Variants in SSBP2 observed in about 807,000 individuals in gnomAD.
The protein encoded by SSBP2 is single stranded DNA binding protein 2, also known as single-stranded DNA-binding protein 2.
In SSBP2, 17 loss-of-function variants were observed where a neutral mutation model predicts 61.8. The ratio of observed to expected loss-of-function variants is 0.28; its 90% CI spans 0.19 to 0.41. The LOEUF (loss-of-function observed/expected upper bound fraction) is 0.41. SSBP2 is among the 10% of genes least tolerant of loss of function. The probability of loss-of-function intolerance (pLI) is 1.00; values close to 1 mark genes in which losing one functional copy is unlikely to be tolerated. For missense variants in SSBP2, 310 were observed against 458.7 expected (o/e 0.68, Z 2.96); for synonymous variants, 139 against 141.3 (o/e 0.98, Z 0.12).
intron 12 of SSBP2, among the ~76,000 whole-genome samples, chr5:81,445,917 T>C (rs564517817): frequency 4.7e-4 from 71 of 152,214 alleles, no homozygotes; most frequent in Admixed American, 2.2e-3. Context: ...TGTGATTATA[T>C]TGCATTGAAT....
chr5:81,635,836 G>A (rs1036440602), intron 3 of SSBP2, among the ~76,000 whole-genome samples: 2 of 151,998 alleles, frequency 1.3e-5, no homozygotes, highest in African/African-American at 2.4e-5. Flanking sequence ...CACCCGCCTC[G>A]GCCTCCCAAA....
chr5:81,549,549 T>C (rs1772013428), intron 4 of SSBP2, among the ~76,000 whole-genome samples: 1 of 152,204 alleles, frequency 6.6e-6, no homozygotes, highest in Non-Finnish European at 1.5e-5. Context: ...ATGCATCTGC[T>C]TTCCCAAGCA....
chr5:81,593,403 T>C (rs942166281), intron 4 of SSBP2, among the ~76,000 whole-genome samples: 6 of 152,188 alleles, frequency 3.9e-5, no homozygotes, highest in Admixed American at 6.5e-5. Flanking sequence ...TGGAACCAAG[T>C]TGGAAAACAC....
chr5:81,566,424 G>A (rs1174517372), intron 4 of SSBP2, among the ~76,000 whole-genome samples: 1 of 152,150 alleles, frequency 6.6e-6, no homozygotes, highest in Non-Finnish European at 1.5e-5. Context: ...TTCTGCTTTT[G>A]CGTCTTCCTT....
intron 2 of SSBP2, 122 bp from the exon 3 acceptor site, chr5:81,636,740 TA>T (rs1203839661): frequency 6.0e-6 from 5 of 839,996 alleles, no homozygotes; most frequent in Admixed American, 2.8e-5. Flanking sequence ...ATTTTCATGA[TA>T]TTTTTTACCC....
rs902446715 is a variant in SSBP2, at chr5:81,418,547, T to C, written c.*1957A>G. ...TATGTTACTTAATGATAAGTATACA[T>C]TCTGAGAAATGCATTGTCAGGCAAT... On this transcript the variant is annotated 3_prime_UTR_variant, in exon 17 of 17. Coordinates refer to ENST00000320672, the MANE Select transcript of SSBP2 (RefSeq NM_012446.5). 2 of 152,194 alleles carry C rather than the reference T, an allele frequency of 1.3e-5. No individual in the cohort carries two copies. The highest frequency in any genetic ancestry group is 2.9e-5 in the Non-Finnish European group (2 of 68,036). The allele number at this position is 152,194 out of a possible 1,614,324, so 9.4% of individuals were successfully genotyped here. A position where few individuals can be genotyped will look rare whatever the true frequency, so the allele number is the denominator to read the frequency against.
At chr5:81,485,340 A>C (rs1225140690) in intron 6 of SSBP2, among the ~76,000 whole-genome samples, 2 of 152,138 alleles carry the variant, frequency 1.3e-5, no homozygotes, top group Non-Finnish European at 2.9e-5. Context: ...TATTTTTACA[A>C]CATAGTGACA....
chr5:81,666,861 T>A (rs1256100628), intron 1 of SSBP2, among the ~76,000 whole-genome samples: 2 of 152,214 alleles, frequency 1.3e-5, no homozygotes, highest in Non-Finnish European at 2.9e-5. Flanking sequence ...TTGTCCTTTA[T>A]ATCCTCCCAA....
intron 4 of SSBP2, among the ~76,000 whole-genome samples, chr5:81,556,004 T>C (rs915181921): frequency 6.6e-6 from 1 of 152,126 alleles, no homozygotes; most frequent in Non-Finnish European, 1.5e-5. Context: ...GATATTCTAG[T>C]GCAAAAGCAG....
chr5:81,414,244 C>G lies in SSBP2; in HGVS notation c.*6260G>C, dbSNP rs531347027. 3 of 152,194 alleles carry G rather than the reference C, an allele frequency of 2.0e-5. No homozygotes were observed. Among genetic ancestry groups the G allele is most frequent in the East Asian group, 1.9e-4 (1 of 5,190 alleles). The allele number at this position is 152,194 out of a possible 1,614,324, so 9.4% of individuals were successfully genotyped here. A position where few individuals can be genotyped will look rare whatever the true frequency, so the allele number is the denominator to read the frequency against. Reference sequence around the variant, plus strand: ...GTATACATAAAAACACCTAGTCCCACTTTAAAATTTTAATATCTATATATA... The same window carrying G: ...GTATACATAAAAACACCTAGTCCCAGTTTAAAATTTTAATATCTATATATA... On this transcript the variant is annotated 3_prime_UTR_variant, in exon 17 of 17. Transcript: ENST00000320672.
chr5:81,654,847 T>C (rs988245133), intron 1 of SSBP2, among the ~76,000 whole-genome samples: 1 of 152,072 alleles, frequency 6.6e-6, no homozygotes, highest in Non-Finnish European at 1.5e-5. Flanking sequence ...GAACTCAACA[T>C]TTTGAGCAGG....
At chr5:81,477,896 A>C in intron 6 of SSBP2, among the ~76,000 whole-genome samples, 1 of 152,200 alleles carries the variant, frequency 6.6e-6, no homozygotes. Flanking sequence ...AACAGAGTTC[A>C]AAGAATGAGA....
At chr5:81,522,653 A>G (rs1769579934) in intron 4 of SSBP2, among the ~76,000 whole-genome samples, 1 of 152,102 alleles carries the variant, frequency 6.6e-6, no homozygotes, top group South Asian at 2.1e-4. Flanking sequence ...AAGTTTTTCT[A>G]TTTTGGAAAG....
intron 6 of SSBP2, among the ~76,000 whole-genome samples, chr5:81,477,970 G>T (rs925375539): frequency 1.3e-5 from 2 of 152,030 alleles, no homozygotes; most frequent in Non-Finnish European, 2.9e-5. Flanking sequence ...AACTGAAACT[G>T]AATAGGCATG....
At chr5:81,584,738 T>C (rs550310252) in intron 4 of SSBP2, among the ~76,000 whole-genome samples, 42 of 152,276 alleles carry the variant, frequency 2.8e-4, no homozygotes, top group Non-Finnish European at 5.3e-4. Context: ...AGCAGAAGAA[T>C]AGATAAGAGC....
chr5:81,588,081 T>C (rs1293133858), intron 4 of SSBP2, among the ~76,000 whole-genome samples: 2 of 152,102 alleles, frequency 1.3e-5, no homozygotes, highest in Admixed American at 1.3e-4. Flanking sequence ...TTCTCCCACC[T>C]CAGCCTCCCA....
chr5:81,732,732 A>T (rs544041752), intron 1 of SSBP2, among the ~76,000 whole-genome samples: 1 of 152,366 alleles, frequency 6.6e-6, no homozygotes, highest in African/African-American at 2.4e-5. Context: ...AATTGTGACT[A>T]CAGGTTAAAA....
chr5:81,434,420 G>T (rs1425067108), intron 15 of SSBP2, among the ~76,000 whole-genome samples: 1 of 151,930 alleles, frequency 6.6e-6, no homozygotes, highest in African/African-American at 2.4e-5. Context: ...AACTTTGAGA[G>T]GCCGAGGTGG....
intron 10 of SSBP2, among the ~76,000 whole-genome samples, chr5:81,454,123 T>C (rs936897202): frequency 7.9e-5 from 12 of 152,124 alleles, no homozygotes; most frequent in African/African-American, 2.9e-4. Flanking sequence ...ATTAATTATC[T>C]AGGAGAAGGT....
Sources: allele counts gnomAD v4.1 joint callset (sites outside exome capture counted in the v4.1 genomes callset), GRCh38; gene constraint gnomAD v4.1.1; transcripts MANE v1.5; gene names NCBI Gene and HGNC (gene_info 2026-07-23, HGNC 2026-07-21).